DNMT3A: variants seen among roughly 807,000 people sequenced by gnomAD.
The protein encoded by DNMT3A is DNA (cytosine-5)-methyltransferase 3A.
In DNMT3A, 267 loss-of-function variants were observed where a neutral mutation model predicts 117.6. That is an observed-to-expected ratio of 2.27 (90% CI 2.05 to 2.51). DNMT3A has a LOEUF of 2.51. Among genes scored for constraint, DNMT3A ranks in the 30% most tolerant of loss-of-function variants. The probability of loss-of-function intolerance (pLI) is 0.00; values close to 1 mark genes in which losing one functional copy is unlikely to be tolerated. For synonymous variants in DNMT3A, 432 were observed against 474.8 expected (o/e 0.91, Z 1.17); for missense variants, 1,029 against 1,260.2 (o/e 0.82, Z 2.78).
Position 25,313,996 on chromosome 2 carries a change from G to C in DNMT3A, c.-12C>G, listed in dbSNP as rs1469715521. The C allele has an allele frequency of 6.5e-7, 1 of 1,539,952 alleles. No homozygotes were observed. Among genetic ancestry groups the C allele is most frequent in the Admixed American group, 2.0e-5 (1 of 49,962 alleles). The stretch of plus-strand genomic sequence containing the variant: ...GGCATGGCGGGCATCTGGGCGCCGG[G>C]AGGCAGGCTGGGGCTGCGCGGGGCT... On this transcript the variant is annotated 5_prime_UTR_variant, in exon 2 of 23. Coordinates refer to ENST00000321117, the MANE Select transcript of DNMT3A (RefSeq NM_022552.5).
intron 6 of DNMT3A, among the ~76,000 whole-genome samples, chr2:25,266,548 C>T (rs144279824): frequency 1.3e-5 from 2 of 152,280 alleles, no homozygotes; most frequent in East Asian, 3.9e-4. Context: ...GAATATGACA[C>T]AGCATGGGGG....
Position 25,234,562 on chromosome 2 carries a change from T to C in DNMT3A, c.2598-142A>G. On this transcript the variant is annotated intron_variant, in intron 22 of 22. Coordinates refer to ENST00000321117, the MANE Select transcript of DNMT3A (RefSeq NM_022552.5). This position sits in a 1 kb window ranked among gnomAD's most constrained non-coding sequence, Gnocchi z 4.5. ...AGGGGCACTCACACCCACCAACTCC[T>C]CTGACGCCTGCTTAGTTCTGCCGAA... 1.1e-6 allele frequency: 1 copy of C among 922,388 alleles called. No individual in the cohort carries two copies. The highest frequency in any genetic ancestry group is 2.0e-5 in the South Asian group (1 of 50,276). 57.1% of individuals were successfully genotyped at this position (922,388 alleles called of 1,614,324 possible).
At chr2:25,267,170 GA>G in intron 6 of DNMT3A, among the ~76,000 whole-genome samples, 1 of 152,028 alleles carries the variant, frequency 6.6e-6, no homozygotes, top group South Asian at 2.1e-4. Context: ...AAAAGAACAG[GA>G]AAAAAAGAAC....
intron 1 of DNMT3A, among the ~76,000 whole-genome samples, chr2:25,321,552 G>A (rs1380726495): frequency 6.6e-6 from 1 of 152,156 alleles, no homozygotes; most frequent in African/African-American, 2.4e-5. Flanking sequence ...ACAGGTCCAG[G>A]GGATTAGGAC....
rs1321118010 is a variant in DNMT3A at position 25,257,928 on chromosome 2, C to G, written c.640-9676G>C. ...CCACCTGAAAGGTCAGAGCAATTCACTGGAGAGAAGTGGTCTGGAGAGAGG... is the reference window on the plus strand; with the variant it reads ...CCACCTGAAAGGTCAGAGCAATTCAGTGGAGAGAAGTGGTCTGGAGAGAGG... On this transcript the variant is annotated intron_variant, in intron 6 of 22. Coordinates refer to ENST00000321117, the MANE Select transcript of DNMT3A (RefSeq NM_022552.5). The surrounding 1 kb of genome is among the most constrained non-coding windows in gnomAD (Gnocchi z 4.8). Among the ~76,000 whole-genome samples the G allele has an allele frequency of 6.6e-6, 1 of 152,182 alleles. No homozygotes were observed. Among genetic ancestry groups the G allele is most frequent in the East Asian group, 1.9e-4 (1 of 5,194 alleles).
In DNMT3A at chr2:25,252,051, G is replaced by A; in HGVS notation, c.640-3799C>T. 4.5e-6 allele frequency: 5 copies of A among 1,102,504 alleles called. No homozygotes were observed. Among genetic ancestry groups the A allele is most frequent in the African/African-American group, 1.6e-5 (1 of 61,276 alleles). 68.3% of individuals were successfully genotyped at this position (1,102,504 alleles called of 1,614,324 possible). On this transcript the variant is annotated intron_variant, in intron 6 of 22. Coordinates refer to ENST00000321117, the MANE Select transcript of DNMT3A (RefSeq NM_022552.5). The surrounding 1 kb of genome is among the most constrained non-coding windows in gnomAD (Gnocchi z 5.5). ...CACTAAGTCAGCATCTCCAGAACTC[G>A]GGCCAGGCCGGGACGCCGCGGCTGC...
rs1046919792 is a variant in DNMT3A, at chr2:25,243,891, C to A, written c.1936+7G>T. 6.4e-7 allele frequency: 1 copy of A among 1,551,876 alleles called. No individual in the cohort carries two copies. Among genetic ancestry groups the A allele is most frequent in the Admixed American group, 2.0e-5 (1 of 51,002 alleles). ...CGGCCAGCACCTCTTGGGCCTGCACCCCTCACCTGTAGCGATTCCATCAAA... is the reference window on the plus strand; with the variant it reads ...CGGCCAGCACCTCTTGGGCCTGCACACCTCACCTGTAGCGATTCCATCAAA... On this transcript the variant is annotated splice_region_variant and intron_variant, in intron 16 of 22. Transcript: ENST00000321117.
At chr2:25,246,396 G>A (rs962721767) in intron 10 of DNMT3A, 87 bp from the exon 11 acceptor site, 6 of 1,503,918 alleles carry the variant, frequency 4.0e-6, no homozygotes, top group Admixed American at 2.2e-5. Context: ...AGTGGGGTGC[G>A]GCCTGGTCTC....
At chr2:25,342,242 C>T (rs1004624266), upstream of DNMT3A, among the ~76,000 whole-genome samples, 192 of 148,124 alleles carry the variant, frequency 1.3e-3, no homozygotes, top group African/African-American at 4.4e-3. The surrounding 1 kb of genome is among the most constrained non-coding windows in gnomAD (Gnocchi z 5.9). Context: ...CGCGACTTCC[C>T]GGCCTCTGCG....
chr2:25,290,225 T>C (rs563168103), intron 3 of DNMT3A, among the ~76,000 whole-genome samples: 1 of 152,282 alleles, frequency 6.6e-6, no homozygotes, highest in South Asian at 2.1e-4. Context: ...CATAGCTCCC[T>C]GCAGCCTCAA....
At position 25,300,761 on chromosome 2, in the gene DNMT3A, ATATATAT is replaced by A. The variant is rs1558723109; in HGVS notation, c.73-525_73-519del. Among the ~76,000 whole-genome samples, 130 of 72,216 alleles carry A rather than the reference ATATATAT, an allele frequency of 1.8e-3. 1 individual carries two copies. Among genetic ancestry groups the A allele is most frequent in the Non-Finnish European group, 2.5e-3 (97 of 39,258 alleles). 47.4% of individuals were successfully genotyped at this position (72,216 alleles called of 152,430 possible). A position where few individuals can be genotyped will look rare whatever the true frequency, so the allele number is the denominator to read the frequency against. ...TATATATATATATATATATATATATATATATATAAATAATACATCCTTTGGGGAACTT... is the reference window on the plus strand; with the variant it reads ...TATATATATATATATATATATATATAAAATAATACATCCTTTGGGGAACTT... On this transcript the variant is annotated intron_variant, in intron 2 of 22. Coordinates refer to ENST00000321117, the MANE Select transcript of DNMT3A (RefSeq NM_022552.5).
At position 25,234,347 on chromosome 2, in the gene DNMT3A, G is replaced by T. The variant is rs371891191; in HGVS notation, c.2671C>A (p.Arg891=). 5 of 1,613,970 alleles carry T rather than the reference G, an allele frequency of 3.1e-6. No homozygotes were observed. The African/African-American group carries it at 5.3e-5, about 17-fold the overall frequency. ...SRLARQRLLG[R]SWSVPVIRHL... ...CGGATGACTGGCACGCTCCATGACC[G>T]GCCCAGCAGTCTCTGCCTCGCCAAG... The change falls in exon 23 of 23, where the codon CGG becomes AGG. Residue 891 remains arginine (R), a synonymous_variant. Transcript: ENST00000321117. This position sits in a 1 kb window ranked among gnomAD's most constrained non-coding sequence, Gnocchi z 4.5.
At chr2:25,340,100 G>A (rs534240947) in intron 1 of DNMT3A, among the ~76,000 whole-genome samples, 42 of 152,228 alleles carry the variant, frequency 2.8e-4, no homozygotes, top group Admixed American at 2.4e-3. Context: ...CTGGTTTGGA[G>A]GGGGGGTAGC....
chr2:25,285,780 C>G (rs2032264836), intron 3 of DNMT3A, among the ~76,000 whole-genome samples: 1 of 152,180 alleles, frequency 6.6e-6, no homozygotes, highest in South Asian at 2.1e-4. Flanking sequence ...GAGGGCATTT[C>G]CAGCCTAGAA....
chr2:25,277,035 T>C (rs914966245), intron 4 of DNMT3A, among the ~76,000 whole-genome samples: 4 of 151,856 alleles, frequency 2.6e-5, no homozygotes, highest in African/African-American at 9.7e-5. Context: ...TCCCGCTAGC[T>C]AGGCCCGGGA....
chr2:25,297,438 C>G (rs894880676), intron 3 of DNMT3A, among the ~76,000 whole-genome samples: 2 of 152,056 alleles, frequency 1.3e-5, no homozygotes, highest in Non-Finnish European at 2.9e-5. Flanking sequence ...CCCCATAGGC[C>G]TGCACCCCAG....
chr2:25,336,338 G>A (rs1050121621), intron 1 of DNMT3A, among the ~76,000 whole-genome samples: 3 of 152,174 alleles, frequency 2.0e-5, no homozygotes, highest in Non-Finnish European at 4.4e-5. Context: ...TCTGGATGCT[G>A]GGGCGCCTCA....
chr2:25,273,601 A>G (rs1244730131), intron 6 of DNMT3A, among the ~76,000 whole-genome samples: 2 of 152,044 alleles, frequency 1.3e-5, no homozygotes, highest in Non-Finnish European at 2.9e-5. Context: ...TACTAATCAA[A>G]CATACAAGAC....
At position 25,296,433 on chromosome 2, in the gene DNMT3A, G is replaced by A. The variant is rs563404389; in HGVS notation, c.177+3706C>T. The stretch of plus-strand genomic sequence containing the variant: ...GGCCAAAGGGGTGGCATCAGGCATA[G>A]CAGGGAAAGGAGTGGTCAGATGGTG... On this transcript the variant is annotated intron_variant, in intron 3 of 22. Coordinates refer to ENST00000321117, the MANE Select transcript of DNMT3A (RefSeq NM_022552.5). This position sits in a 1 kb window ranked among gnomAD's most constrained non-coding sequence, Gnocchi z 4.2. Among the ~76,000 whole-genome samples the A allele has an allele frequency of 4.6e-5, 7 of 152,298 alleles. 1 individual carries two copies. The South Asian group carries it at 1.0e-3, about 23-fold the overall frequency.
Sources: allele counts gnomAD v4.1 joint callset (sites outside exome capture counted in the v4.1 genomes callset), GRCh38; gene constraint gnomAD v4.1.1; non-coding constraint Gnocchi (gnomAD v3.1); transcripts MANE v1.5; gene names NCBI Gene and HGNC (gene_info 2026-07-23, HGNC 2026-07-21).